Variants in GARRE1 observed in about 807,000 individuals in gnomAD.
GARRE1 encodes the protein granule associated Rac and RHOG effector 1.
A neutral mutation model predicts 103.2 loss-of-function variants in GARRE1; 49 were observed. That is an observed-to-expected ratio of 0.47 (90% CI 0.38 to 0.60). GARRE1 has a LOEUF of 0.60. GARRE1 is among the 20% of genes least tolerant of loss of function. The pLI, the probability that GARRE1 is intolerant of heterozygous loss-of-function variation, is 0.00. For synonymous variants in GARRE1, 505 were observed against 532.8 expected (o/e 0.95, Z 0.72); for missense variants, 1,199 against 1,370.5 (o/e 0.87, Z 1.98).
chr19:34,264,226 G>T (rs2073737163), intron 1 of GARRE1, among the ~76,000 whole-genome samples: 1 of 152,142 alleles, frequency 6.6e-6, no homozygotes, highest in Admixed American at 6.6e-5. Flanking sequence ...GCCCAAGATG[G>T]TTTCATCAAA....
chr19:34,256,778 T>G lies in GARRE1; in HGVS notation c.-796+2164T>G, dbSNP rs115012789. 4.9e-3 allele frequency among the ~76,000 whole-genome samples: 746 copies of G among 152,348 alleles called. 5 individuals carry two copies. Among genetic ancestry groups the G allele is most frequent in the African/African-American group, 0.016 (682 of 41,576 alleles). Reference sequence around the variant, plus strand: ...TTGTGTGTGCTTAGATGTTTTCAAGTGTCTTTAAAAATCACAGTATTTTCT... The same window carrying G: ...TTGTGTGTGCTTAGATGTTTTCAAGGGTCTTTAAAAATCACAGTATTTTCT... On this transcript the variant is annotated intron_variant, in intron 1 of 13. Transcript: ENST00000299505.
intron 11 of GARRE1, 135 bp downstream of exon 11, chr19:34,348,177 A>C (rs1349095201): frequency 1.8e-5 from 13 of 735,320 alleles, no homozygotes; most frequent in Non-Finnish European, 1.4e-5. Context: ...TGAGAGAGTG[A>C]CATGGGATGA....
chr19:34,279,925 C>T (rs2073841083), intron 1 of GARRE1, among the ~76,000 whole-genome samples: 1 of 141,416 alleles, frequency 7.1e-6, no homozygotes, highest in South Asian at 2.2e-4. Context: ...GCGGAGCTTG[C>T]AGTGAGCCGA....
chr19:34,289,857 A>G (rs2073907810), intron 1 of GARRE1, among the ~76,000 whole-genome samples: 1 of 152,232 alleles, frequency 6.6e-6, no homozygotes, highest in Admixed American at 6.5e-5. Flanking sequence ...CTGAGACTAC[A>G]TGTGGTCTAG....
chr19:34,339,657 A>T lies in GARRE1; in HGVS notation c.1362-210A>T, dbSNP rs539048837. On this transcript the variant is annotated intron_variant, in intron 8 of 13. Transcript: ENST00000299505. ...GAGACCAAATATATATTCTGATATC[A>T]TGAGACCTCAGACCTTTTTGCTTCC... Among the ~76,000 whole-genome samples, 3 of 152,356 alleles carry T rather than the reference A, an allele frequency of 2.0e-5. No individual in the cohort carries two copies. In the East Asian group the frequency reaches 5.8e-4, roughly 29 times the overall value.
chr19:34,347,840 G>C, intron 10 of GARRE1, 37 bp from the exon 11 acceptor site: 1 of 1,473,950 alleles, frequency 6.8e-7, no homozygotes, highest in Non-Finnish European at 9.1e-7. Context: ...AGGCCAGTTT[G>C]TCCCCAAACC....
At chr19:34,274,127 C>T (rs1359265959) in intron 1 of GARRE1, among the ~76,000 whole-genome samples, 2 of 151,542 alleles carry the variant, frequency 1.3e-5, no homozygotes, top group African/African-American at 2.4e-5. Flanking sequence ...AGGAAGGGGC[C>T]GGGCATGGTG....
chr19:34,327,766 T>C lies in GARRE1; in HGVS notation c.847-5T>C, dbSNP rs1212530199. The C allele has an allele frequency of 6.2e-7, 1 of 1,606,908 alleles. No homozygotes were observed. Among genetic ancestry groups the C allele is most frequent in the African/African-American group, 1.3e-5 (1 of 74,712 alleles). On this transcript the variant is annotated splice_polypyrimidine_tract_variant and splice_region_variant and intron_variant, in intron 4 of 13. Transcript: ENST00000299505. ...TCTTGATTGTTAAAAATAATTTATT[T>C]CCAGGCATATAAGATAGCTCTGGAA...
chr19:34,255,468 T>G (rs2073666083), intron 1 of GARRE1, among the ~76,000 whole-genome samples: 1 of 152,242 alleles, frequency 6.6e-6, no homozygotes, highest in Non-Finnish European at 1.5e-5. Context: ...ACAAAAAGTC[T>G]TAAGGTAGAA....
chr19:34,352,370 C>G (rs1599786963), intron 13 of GARRE1, among the ~76,000 whole-genome samples: 1 of 151,538 alleles, frequency 6.6e-6, no homozygotes, highest in African/African-American at 2.4e-5. Flanking sequence ...CCACTGCACT[C>G]CAGCCTGGGC....
chr19:34,327,974 T>C lies in GARRE1; in HGVS notation c.943-16T>C. 6.2e-7 allele frequency: 1 copy of C among 1,614,108 alleles called. No homozygotes were observed. Among genetic ancestry groups the C allele is most frequent in the Non-Finnish European group, 8.5e-7 (1 of 1,180,000 alleles). Reference sequence around the variant, plus strand: ...GCGATGGGTCACCTCTCCTCTTCCATCCATGCCTTTTCCAGGGCTGCTGCA... The same window carrying C: ...GCGATGGGTCACCTCTCCTCTTCCACCCATGCCTTTTCCAGGGCTGCTGCA... On this transcript the variant is annotated splice_polypyrimidine_tract_variant and intron_variant, in intron 5 of 13. Coordinates refer to ENST00000299505, the MANE Select transcript of GARRE1 (RefSeq NM_014686.5).
In GARRE1 at chr19:34,328,347, T is replaced by C. The variant is rs186697185; in HGVS notation, c.1104+196T>C. Among the ~76,000 whole-genome samples, 27 of 151,984 alleles carry C rather than the reference T, an allele frequency of 1.8e-4. No individual in the cohort carries two copies. In the East Asian group the frequency reaches 2.9e-3, roughly 17 times the overall value. ...GAGTTTGAGACCAGCCTGATCAACA[T>C]GGTGAAACCCTGTTTCTGCTAAAAA... On this transcript the variant is annotated intron_variant, in intron 6 of 13. Coordinates refer to ENST00000299505, the MANE Select transcript of GARRE1 (RefSeq NM_014686.5).
At chr19:34,346,544 T>C (rs895869018) in intron 10 of GARRE1, among the ~76,000 whole-genome samples, 7 of 152,220 alleles carry the variant, frequency 4.6e-5, no homozygotes, top group African/African-American at 1.7e-4. Flanking sequence ...GTTCAGGTTA[T>C]CAGTTGGCCA....
At position 34,335,817 on chromosome 19, in the gene GARRE1, C is replaced by T. The variant is rs1049114667; in HGVS notation, c.1361+2016C>T. On this transcript the variant is annotated intron_variant, in intron 8 of 13. Transcript: ENST00000299505. Reference sequence around the variant, plus strand: ...CTAGGTTTACAGGCGTGAGTCACCGCGCCCGGCTCATTTGTTCTTGAAATG... The same window carrying T: ...CTAGGTTTACAGGCGTGAGTCACCGTGCCCGGCTCATTTGTTCTTGAAATG... Among the ~76,000 whole-genome samples, 21 of 152,104 alleles carry T rather than the reference C, an allele frequency of 1.4e-4. 1 individual carries two copies. Among genetic ancestry groups the T allele is most frequent in the Admixed American group, 7.9e-4 (12 of 15,272 alleles).
chr19:34,278,918 C>T (rs565300595), intron 1 of GARRE1, among the ~76,000 whole-genome samples: 3 of 152,272 alleles, frequency 2.0e-5, no homozygotes, highest in Admixed American at 6.5e-5. Context: ...ATCTTCCTAC[C>T]TCAGCCTCCC....
intron 2 of GARRE1, among the ~76,000 whole-genome samples, chr19:34,313,885 C>G (rs985821634): frequency 7.2e-5 from 11 of 152,176 alleles, no homozygotes; most frequent in Non-Finnish European, 1.5e-4. Context: ...ACTGCAACCT[C>G]TGCCTCCCAG....
chr19:34,342,137 C>G lies in GARRE1; in HGVS notation c.2203C>G (p.Gln735Glu). 1 of 1,614,150 alleles carries G rather than the reference C, an allele frequency of 6.2e-7. No homozygotes were observed. Among genetic ancestry groups the G allele is most frequent in the Non-Finnish European group, 8.5e-7 (1 of 1,180,018 alleles). ...KQQQPQVQYYQHLLQPIGPQQ... is the reference protein window; with the variant it reads ...KQQQPQVQYYEHLLQPIGPQQ... ...GCAACAACCTCAAGTCCAATACTAC[C>G]AACACCTACTCCAGCCCATTGGACC... is the stretch of plus-strand genomic sequence containing the variant. Residue 735 changes from glutamine (Q) to glutamate (E), a missense_variant, in exon 10 of 14, where the codon CAA (glutamine) becomes GAA (glutamate). Gln to Glu is a conservative substitution (Grantham distance 29, BLOSUM62 2). Transcript: ENST00000299505.
chr19:34,318,247 T>G (rs1438117566), intron 2 of GARRE1, among the ~76,000 whole-genome samples: 1 of 152,190 alleles, frequency 6.6e-6, no homozygotes, highest in African/African-American at 2.4e-5. Flanking sequence ...AGGTAGATGC[T>G]GAGGCGAGGC....
At chr19:34,290,426 T>C (rs2073911182) in intron 1 of GARRE1, among the ~76,000 whole-genome samples, 1 of 152,178 alleles carries the variant, frequency 6.6e-6, no homozygotes, top group African/African-American at 2.4e-5. Context: ...TAGCCTTGCC[T>C]ACCTGAAATG....
Sources: gnomAD v4.1 joint callset for allele counts (sites outside exome capture counted in the v4.1 genomes callset) on GRCh38, gnomAD v4.1.1 for gene constraint, MANE v1.5 for transcripts, NCBI Gene and HGNC (gene_info 2026-07-23, HGNC 2026-07-21) for gene names.